The following PAX2 variants were observed in gnomAD, a reference collection of about 807,000 sequenced individuals.
PAX2 encodes paired box protein Pax-2.
In PAX2, 9 loss-of-function variants were observed where a neutral mutation model predicts 41.7. The observed-to-expected ratio is 0.22, with a 90% CI of 0.13 to 0.38. The LOEUF is 0.38. PAX2 is among the 10% of genes least tolerant of loss of function. The pLI is 1.00. For synonymous variants in PAX2, 221 were observed against 212.7 expected (o/e 1.04, Z -0.34); for missense variants, 418 against 531.6 (o/e 0.79, Z 2.10).
chr10:100,760,648 A>G (rs1426549836), intron 3 of PAX2, among the ~76,000 whole-genome samples: 5 of 152,198 alleles, frequency 3.3e-5, no homozygotes, highest in African/African-American at 1.2e-4. Context: ...GTATTTAGGT[A>G]GAGACAAAGG....
intron 7 of PAX2, among the ~76,000 whole-genome samples, chr10:100,809,777 A>G (rs763076347): frequency 2.6e-5 from 4 of 152,190 alleles, no homozygotes; most frequent in Non-Finnish European, 5.9e-5. Flanking sequence ...CCTGCTTCCC[A>G]GAGAGGTCAG....
At position 100,780,695 on chromosome 10, in the gene PAX2, A is replaced by G. The variant is rs1429427613; in HGVS notation, c.497-551A>G. Among the ~76,000 whole-genome samples, 3 of 152,302 alleles carry G rather than the reference A, an allele frequency of 2.0e-5. No individual in the cohort carries two copies. The East Asian group carries it at 5.8e-4, about 29-fold the overall frequency. ...ATGCACACTCCTGGGGAACATCAGG[A>G]CCAGTCTTGTGTCTCCTGGAGAATC... On this transcript the variant is annotated intron_variant, in intron 4 of 9. Transcript: ENST00000355243.
chr10:100,786,583 G>A (rs986500811), intron 5 of PAX2, among the ~76,000 whole-genome samples: 3 of 152,222 alleles, frequency 2.0e-5, no homozygotes, highest in Admixed American at 1.3e-4. Context: ...CTGGGAAGGT[G>A]TGCAGTTACC....
upstream of PAX2, among the ~76,000 whole-genome samples, chr10:100,742,707 A>G (rs939578612): frequency 2.6e-5 from 4 of 152,050 alleles, no homozygotes; most frequent in Admixed American, 1.3e-4. Flanking sequence ...CCGCTTTGAA[A>G]ACACCAGAGA....
chr10:100,767,939 A>G (rs1051044577), intron 3 of PAX2, among the ~76,000 whole-genome samples: 1 of 152,218 alleles, frequency 6.6e-6, no homozygotes, highest in Non-Finnish European at 1.5e-5. Context: ...TATAAAATCA[A>G]TGGAATTTAT....
chr10:100,775,751 C>T (rs528847102), intron 3 of PAX2, among the ~76,000 whole-genome samples: 16 of 152,322 alleles, frequency 1.1e-4, no homozygotes, highest in South Asian at 2.1e-4. Context: ...GAAGCTGTTG[C>T]TGCAGTAAAC....
In PAX2 at chr10:100,824,347, G is replaced by A. The variant is rs1437940188; in HGVS notation, c.920-301G>A. 1.1e-5 allele frequency among the ~76,000 whole-genome samples: 1 copy of A among 89,372 alleles called. No homozygotes were observed. The highest frequency in any genetic ancestry group is 2.5e-5 in the Non-Finnish European group (1 of 40,512). The allele number at this position is 89,372 out of a possible 152,430, so 58.6% of individuals were successfully genotyped here. On this transcript the variant is annotated intron_variant, in intron 7 of 9. Transcript: ENST00000355243. This position sits in a 1 kb window ranked among gnomAD's most constrained non-coding sequence, Gnocchi z 6.6. ...TGGAATGCACAGAGACACAGGCAAA[G>A]GCAGATACACACACACACACACACA...
chr10:100,741,460 CA>C (rs1417333940), upstream of PAX2, among the ~76,000 whole-genome samples: 1 of 125,944 alleles, frequency 7.9e-6, no homozygotes, highest in East Asian at 2.2e-4. Flanking sequence ...GAGGGCCAGG[CA>C]GGGGGAAGGG....
chr10:100,759,369 G>A (rs1363471195), intron 3 of PAX2, among the ~76,000 whole-genome samples: 1 of 152,210 alleles, frequency 6.6e-6, no homozygotes, highest in Non-Finnish European at 1.5e-5. Context: ...GAAACCTCAT[G>A]AGTGTGCCGC....
intron 5 of PAX2, chr10:100,786,919 T>C: frequency 7.4e-7 from 1 of 1,353,006 alleles, no homozygotes; most frequent in Non-Finnish European, 1.0e-6. Flanking sequence ...CTCTCAGTGT[T>C]TGTCTGTCTC....
intron 5 of PAX2, chr10:100,786,868 G>A (rs1427216223): frequency 1.1e-6 from 1 of 887,866 alleles, no homozygotes; most frequent in Non-Finnish European, 1.7e-6. Context: ...CCCGATCTTG[G>A]GATCCTGCCC....
At chr10:100,814,443 C>T (rs1046743130) in intron 7 of PAX2, among the ~76,000 whole-genome samples, 2 of 151,170 alleles carry the variant, frequency 1.3e-5, no homozygotes, top group African/African-American at 4.9e-5. Flanking sequence ...CACCACTGCT[C>T]ACCAAATTGT....
intron 6 of PAX2, among the ~76,000 whole-genome samples, chr10:100,808,165 C>T (rs1847860699): frequency 6.6e-6 from 1 of 152,226 alleles, no homozygotes; most frequent in African/African-American, 2.4e-5. Context: ...ATTTTAATTT[C>T]TCTCCGATCA....
intron 7 of PAX2, among the ~76,000 whole-genome samples, chr10:100,818,576 A>C (rs1285597228): frequency 6.6e-6 from 1 of 152,258 alleles, no homozygotes; most frequent in Non-Finnish European, 1.5e-5. Flanking sequence ...ACACAGAAAG[A>C]TACAGATATA....
In PAX2 at chr10:100,824,541, A is replaced by C; in HGVS notation, c.920-107A>C. 1.2e-6 allele frequency: 1 copy of C among 840,272 alleles called. No individual in the cohort carries two copies. Among genetic ancestry groups the C allele is most frequent in the Non-Finnish European group, 2.1e-6 (1 of 479,076 alleles). The allele number at this position is 840,272 out of a possible 1,614,324, so 52.1% of individuals were successfully genotyped here. On this transcript the variant is annotated intron_variant, in intron 7 of 9. Transcript: ENST00000355243. The surrounding 1 kb of genome is among the most constrained non-coding windows in gnomAD (Gnocchi z 6.6). ...CACACATACCCCTGCACGTCTGCAC[A>C]GAGCTCTTTCCTCTCCAAGAGTTTC...
At chr10:100,777,997 T>G (rs1846462194) in intron 3 of PAX2, among the ~76,000 whole-genome samples, 2 of 152,226 alleles carry the variant, frequency 1.3e-5, no homozygotes, top group African/African-American at 4.8e-5. Flanking sequence ...GGCTTCCGCT[T>G]CCACCAGCTT....
rs917005465 is a variant in PAX2, at chr10:100,745,844, G to T, written c.-417G>T. ...GCTCCCCTCCCGGCGCCCTCTGACCGCCCCCGCCCCGCGCGCTCTCCGACC... is the reference window on the plus strand; with the variant it reads ...GCTCCCCTCCCGGCGCCCTCTGACCTCCCCCGCCCCGCGCGCTCTCCGACC... On this transcript the variant is annotated 5_prime_UTR_variant, in exon 1 of 10. Coordinates refer to ENST00000355243, the MANE Select transcript of PAX2 (RefSeq NM_000278.5). The T allele has an allele frequency of 9.6e-7, 1 of 1,042,372 alleles. No homozygotes were observed. The highest frequency in any genetic ancestry group is 5.7e-5 in the Admixed American group (1 of 17,630). The allele number at this position is 1,042,372 out of a possible 1,614,324, so 64.6% of individuals were successfully genotyped here. A position where few individuals can be genotyped will look rare whatever the true frequency, so the allele number is the denominator to read the frequency against.
chr10:100,770,577 GC>G (rs1846175864), intron 3 of PAX2, among the ~76,000 whole-genome samples: 2 of 152,234 alleles, frequency 1.3e-5, no homozygotes, highest in African/African-American at 4.8e-5. Context: ...GCCCCCTTGG[GC>G]CAGCCCCATG....
Position 100,808,778 on chromosome 10 carries a change from C to G in PAX2, c.793-332C>G, listed in dbSNP as rs867364583. On this transcript the variant is annotated intron_variant, in intron 6 of 9. Transcript: ENST00000355243. ...GTTCCCCCTCCTCCCCAAGGCTCCT[C>G]GACATCCCATGCCTCTCAACAAGGG... Among the ~76,000 whole-genome samples the G allele has an allele frequency of 3.3e-5, 5 of 152,280 alleles. No homozygotes were observed. The East Asian group carries it at 9.7e-4, about 29-fold the overall frequency.
Sources: gnomAD v4.1 joint callset for allele counts (sites outside exome capture counted in the v4.1 genomes callset) on GRCh38, gnomAD v4.1.1 for gene constraint, Gnocchi (gnomAD v3.1) non-coding constraint, MANE v1.5 for transcripts, NCBI Gene and HGNC (gene_info 2026-07-23, HGNC 2026-07-21) for gene names.